TRAPPC9: variants seen among roughly 807,000 people sequenced by gnomAD.
TRAPPC9 encodes trafficking protein particle complex subunit 9.
Under a neutral mutation model 124.0 loss-of-function variants are expected in TRAPPC9, and 83 were observed. That is an observed-to-expected ratio of 0.67 (90% CI 0.56 to 0.80). The LOEUF is 0.80. Among genes scored for constraint, TRAPPC9 ranks in the 30% least tolerant of loss-of-function variants. The probability of loss-of-function intolerance (pLI) is 0.00; values close to 1 mark genes in which losing one functional copy is unlikely to be tolerated. For missense variants in TRAPPC9, 1,302 were observed against 1,508.3 expected (o/e 0.86, Z 2.27); for synonymous variants, 638 against 617.5 (o/e 1.03, Z -0.49).
chr8:140,292,288 C>A (rs960535038), intron 11 of TRAPPC9, among the ~76,000 whole-genome samples: 17 of 152,122 alleles, frequency 1.1e-4, no homozygotes, highest in Non-Finnish European at 1.6e-4. Flanking sequence ...GGTATGATAA[C>A]CCCCGTCACT....
At chr8:140,010,418 A>G (rs1206607732) in intron 18 of TRAPPC9, among the ~76,000 whole-genome samples, 1 of 152,262 alleles carries the variant, frequency 6.6e-6, no homozygotes, top group Non-Finnish European at 1.5e-5. Context: ...AAAGGTGACC[A>G]AAATAATTTG....
chr8:139,940,470 G>C (rs902818952), intron 19 of TRAPPC9, among the ~76,000 whole-genome samples: 1 of 152,182 alleles, frequency 6.6e-6, no homozygotes, highest in Non-Finnish European at 1.5e-5. Context: ...AAATGGGGGG[G>C]ATTTTAAAAA....
chr8:140,185,382 T>C (rs964881984), intron 17 of TRAPPC9, among the ~76,000 whole-genome samples: 6 of 152,194 alleles, frequency 3.9e-5, no homozygotes, highest in African/African-American at 1.4e-4. Context: ...ATCCAGGTGC[T>C]ACGCCATCAC....
At chr8:140,086,141 C>G (rs912484038) in intron 17 of TRAPPC9, among the ~76,000 whole-genome samples, 1 of 152,178 alleles carries the variant, frequency 6.6e-6, no homozygotes, top group South Asian at 2.1e-4. Context: ...CTAACCAGGG[C>G]TTGGATCGTG....
intron 17 of TRAPPC9, among the ~76,000 whole-genome samples, chr8:140,201,945 G>C (rs1467584544): frequency 6.6e-6 from 1 of 152,114 alleles, no homozygotes. Context: ...TCAGAGCTAT[G>C]GCAGGTTGGG....
Position 140,097,090 on chromosome 8 carries a change from G to C in TRAPPC9, c.2557-73011C>G, listed in dbSNP as rs1295458933. On this transcript the variant is annotated intron_variant, in intron 17 of 22. Transcript: ENST00000438773. This position sits in a 1 kb window ranked among gnomAD's most constrained non-coding sequence, Gnocchi z 4.2. ...CAGGTCTCAGGTTGCAGGTGGAGCT[G>C]TGTTGCAGTCAGAAGGGGAGGGACC... is the stretch of plus-strand genomic sequence containing the variant. 3 of 152,422 alleles carry C rather than the reference G, an allele frequency of 2.0e-5. No homozygotes were observed. The highest frequency in any genetic ancestry group is 2.0e-4 in the Admixed American group (3 of 15,292). 9.4% of individuals were successfully genotyped at this position (152,422 alleles called of 1,614,324 possible).
chr8:140,224,667 TC>T (rs913630256), intron 16 of TRAPPC9, among the ~76,000 whole-genome samples: 5 of 152,198 alleles, frequency 3.3e-5, no homozygotes, highest in Non-Finnish European at 7.3e-5. Context: ...TCCTTGTCAC[TC>T]CTTGTTCTAC....
chr8:140,057,767 T>C (rs148653854), intron 17 of TRAPPC9, among the ~76,000 whole-genome samples: 117 of 152,322 alleles, frequency 7.7e-4, no homozygotes, highest in Non-Finnish European at 1.2e-3. Context: ...TAAGACATTG[T>C]GCCTGTGGTT....
chr8:140,274,241 G>A (rs1440654331), intron 15 of TRAPPC9, among the ~76,000 whole-genome samples: 1 of 152,046 alleles, frequency 6.6e-6, no homozygotes, highest in Non-Finnish European at 1.5e-5. Context: ...CCACAGAAAA[G>A]GGAAGGATTC....
At chr8:139,833,472 T>C (rs1826117751) in intron 21 of TRAPPC9, among the ~76,000 whole-genome samples, 1 of 152,186 alleles carries the variant, frequency 6.6e-6, no homozygotes, top group Non-Finnish European at 1.5e-5. Flanking sequence ...GCTCTGGCAA[T>C]GGAAGGAGCT....
intron 20 of TRAPPC9, among the ~76,000 whole-genome samples, chr8:139,903,844 C>T (rs547740224): frequency 3.9e-5 from 6 of 152,238 alleles, no homozygotes; most frequent in East Asian, 3.9e-4. Context: ...AGTTCGAGAC[C>T]AGCCTGGCCA....
At chr8:139,899,717 T>C (rs1563905918) in intron 20 of TRAPPC9, among the ~76,000 whole-genome samples, 1 of 152,160 alleles carries the variant, frequency 6.6e-6, no homozygotes, top group African/African-American at 2.4e-5. Context: ...GCTCTGGTTT[T>C]CCACTGTAAC....
At chr8:140,232,301 T>C (rs2063618643) in intron 16 of TRAPPC9, among the ~76,000 whole-genome samples, 2 of 151,970 alleles carry the variant, frequency 1.3e-5, no homozygotes, top group South Asian at 2.1e-4. Flanking sequence ...AATGAGTTCC[T>C]TGTCACTAGA....
chr8:139,973,275 G>GT (rs1836220414), intron 19 of TRAPPC9, among the ~76,000 whole-genome samples: 1 of 152,160 alleles, frequency 6.6e-6, no homozygotes, highest in South Asian at 2.1e-4. Context: ...GCCCCGCACC[G>GT]TATCACCCCA....
chr8:140,037,731 C>T (rs6997720), intron 17 of TRAPPC9, among the ~76,000 whole-genome samples: 69,829 of 148,362 alleles, frequency 0.47, 17,820 homozygotes, highest in Non-Finnish European at 0.59. Flanking sequence ...ACACCCAATA[C>T]ACACCCCACA....
At chr8:140,323,342 G>A (rs1484469766) in intron 9 of TRAPPC9, among the ~76,000 whole-genome samples, 1 of 152,130 alleles carries the variant, frequency 6.6e-6, no homozygotes, top group African/African-American at 2.4e-5. Flanking sequence ...TCAGTTTTGA[G>A]AGTTGCTCTA....
chr8:140,353,572 T>C lies in TRAPPC9; in HGVS notation c.1495+6478A>G, dbSNP rs1312762955. ...TGTGAAAGCCGCGAGTCTTTTTTAT[T>C]TTCCACAGGAATTGGTGTCAGTAAC... On this transcript the variant is annotated intron_variant, in intron 9 of 22. Transcript: ENST00000438773. This position sits in a 1 kb window ranked among gnomAD's most constrained non-coding sequence, Gnocchi z 4.2. Among the ~76,000 whole-genome samples, 1 of 152,192 alleles carries C rather than the reference T, an allele frequency of 6.6e-6. No individual in the cohort carries two copies. The highest frequency in any genetic ancestry group is 2.4e-5 in the African/African-American group (1 of 41,444).
At chr8:140,410,254 G>C (rs2069655510) in intron 5 of TRAPPC9, among the ~76,000 whole-genome samples, 1 of 150,434 alleles carries the variant, frequency 6.6e-6, no homozygotes. Flanking sequence ...ATATAGATTT[G>C]ACCAGGCGCA....
Position 139,736,060 on chromosome 8 carries a change from C to T in TRAPPC9, c.3056-3858G>A, listed in dbSNP as rs890513672. Among the ~76,000 whole-genome samples, 7 of 152,326 alleles carry T rather than the reference C, an allele frequency of 4.6e-5. No individual in the cohort carries two copies. The East Asian group carries it at 1.2e-3, about 25-fold the overall frequency. On this transcript the variant is annotated intron_variant, in intron 21 of 22. Transcript: ENST00000438773. ...GTTTGACAACTGGTGCCCCCTCCAT[C>T]TCATCTATGAAACTGGGATGATGAT...
Sources: gnomAD v4.1 joint callset for allele counts (sites outside exome capture counted in the v4.1 genomes callset) on GRCh38, gnomAD v4.1.1 for gene constraint, Gnocchi (gnomAD v3.1) non-coding constraint, MANE v1.5 for transcripts, NCBI Gene and HGNC (gene_info 2026-07-23, HGNC 2026-07-21) for gene names.